The following FHIP1A variants were observed in gnomAD, a reference collection of about 807,000 sequenced individuals.
FHIP1A encodes the protein FHF complex subunit HOOK-interacting protein 1A.
FHIP1A carries 61 observed loss-of-function variants against 88.6 expected under a neutral mutation model. The ratio of observed to expected loss-of-function variants is 0.69; its 90% CI spans 0.56 to 0.85. The LOEUF is 0.85. Ranked by LOEUF, FHIP1A falls within the 40% of genes least tolerant of loss-of-function variation. The probability of loss-of-function intolerance (pLI) is 0.00; values close to 1 mark genes in which losing one functional copy is unlikely to be tolerated. For synonymous variants in FHIP1A, 478 were observed against 496.0 expected (o/e 0.96, Z 0.48); for missense variants, 1,154 against 1,273.5 (o/e 0.91, Z 1.43).
At position 151,504,348 on chromosome 4, in the gene FHIP1A, A is replaced by G. The variant is rs116497561; in HGVS notation, c.-123+21700A>G. Among the ~76,000 whole-genome samples, 401 of 152,298 alleles carry G rather than the reference A, an allele frequency of 2.6e-3. 1 individual carries two copies. The highest frequency in any genetic ancestry group is 9.2e-3 in the African/African-American group (384 of 41,566). On this transcript the variant is annotated intron_variant, in intron 3 of 13. Coordinates refer to ENST00000435205, the MANE Select transcript of FHIP1A (RefSeq NM_001109977.3). ...GGAAAAATTCTAGGTTAGACTTAAC[A>G]TGAGTATCTCCTTCAGCATGGAACA...
intron 2 of FHIP1A, among the ~76,000 whole-genome samples, chr4:151,481,319 T>C (rs1729885924): frequency 6.6e-6 from 1 of 152,002 alleles, no homozygotes; most frequent in Non-Finnish European, 1.5e-5. Context: ...AAATTTGACA[T>C]AAAATTGTAT....
intron 3 of FHIP1A, among the ~76,000 whole-genome samples, chr4:151,493,005 G>A (rs538673075): frequency 6.6e-6 from 1 of 151,976 alleles, no homozygotes; most frequent in Admixed American, 6.5e-5. Context: ...AAATAAAACT[G>A]AAACAAACAC....
chr4:151,635,346 T>A (rs1211640989), intron 8 of FHIP1A, among the ~76,000 whole-genome samples: 5 of 151,886 alleles, frequency 3.3e-5, no homozygotes, highest in Non-Finnish European at 2.9e-5. Context: ...ATAGGTTTAG[T>A]ACATTATCCA....
chr4:151,646,493 A>T, intron 9 of FHIP1A, 65 bp from the exon 10 acceptor site: 4 of 1,138,644 alleles, frequency 3.5e-6, no homozygotes, highest in Non-Finnish European at 5.1e-6. Context: ...GTTATGGTTT[A>T]GTTAGTCCCA....
At chr4:151,411,558 C>T (rs1238229133) in intron 1 of FHIP1A, among the ~76,000 whole-genome samples, 1 of 151,954 alleles carries the variant, frequency 6.6e-6, no homozygotes, top group Admixed American at 6.6e-5. Flanking sequence ...CCACGTTGCC[C>T]AGGCTGCCCT....
chr4:151,640,473 A>G (rs1242256146), intron 9 of FHIP1A, among the ~76,000 whole-genome samples: 2 of 152,186 alleles, frequency 1.3e-5, no homozygotes, highest in Admixed American at 6.5e-5. Flanking sequence ...TCCTAAAAGG[A>G]TTATGTTAGC....
At chr4:151,503,595 G>C (rs1730725137) in intron 3 of FHIP1A, among the ~76,000 whole-genome samples, 1 of 151,810 alleles carries the variant, frequency 6.6e-6, no homozygotes, top group South Asian at 2.1e-4. Context: ...GGGGAAAGGA[G>C]GAAAGAGAAA....
chr4:151,522,675 C>G (rs1560746490), intron 3 of FHIP1A, among the ~76,000 whole-genome samples: 9 of 152,324 alleles, frequency 5.9e-5, no homozygotes. Flanking sequence ...AAATTTTGTC[C>G]TTTGGCTTTC....
At chr4:151,410,788 A>G (rs1732602602) in intron 1 of FHIP1A, among the ~76,000 whole-genome samples, 1 of 152,270 alleles carries the variant, frequency 6.6e-6, no homozygotes, top group Non-Finnish European at 1.5e-5. Context: ...TGTTGGCTTT[A>G]GGTAACTTTT....
At position 151,668,371 on chromosome 4, in the gene FHIP1A, C is replaced by T. The variant is rs913749702; in HGVS notation, c.*5617C>T. Among the ~76,000 whole-genome samples, 3 of 152,112 alleles carry T rather than the reference C, an allele frequency of 2.0e-5. No homozygotes were observed. In the South Asian group the frequency reaches 6.2e-4, roughly 32 times the overall value. The stretch of plus-strand genomic sequence containing the variant: ...GGCCATAAGCTGTGTCCTGAACTAA[C>T]CAACTCCAAGCTGAAGGAGGGTGTG... On this transcript the variant is annotated 3_prime_UTR_variant, in exon 14 of 14. Coordinates refer to ENST00000435205, the MANE Select transcript of FHIP1A (RefSeq NM_001109977.3).
intron 1 of FHIP1A, among the ~76,000 whole-genome samples, chr4:151,444,134 T>C (rs928645901): frequency 2.0e-5 from 3 of 151,862 alleles, no homozygotes; most frequent in African/African-American, 7.3e-5. Flanking sequence ...CCTTACCCTG[T>C]GTTCCAGGAA....
chr4:151,500,799 G>A (rs1322529888), intron 3 of FHIP1A, among the ~76,000 whole-genome samples: 2 of 152,248 alleles, frequency 1.3e-5, no homozygotes, highest in Non-Finnish European at 2.9e-5. Context: ...CTAATTCTTT[G>A]AAATACCTTA....
At chr4:151,607,994 T>C (rs1735138846) in intron 7 of FHIP1A, among the ~76,000 whole-genome samples, 1 of 151,538 alleles carries the variant, frequency 6.6e-6, no homozygotes, top group Admixed American at 6.6e-5. Flanking sequence ...CAGCATCACT[T>C]TTGATTTTCT....
intron 7 of FHIP1A, among the ~76,000 whole-genome samples, chr4:151,605,233 G>A (rs180966416): frequency 6.7e-4 from 102 of 152,290 alleles, no homozygotes; most frequent in Admixed American, 1.4e-3. Flanking sequence ...AACTAGGGTA[G>A]GGTAGTCTTT....
intron 2 of FHIP1A, among the ~76,000 whole-genome samples, chr4:151,456,365 G>C (rs188676851): frequency 4.5e-4 from 69 of 152,240 alleles, no homozygotes; most frequent in African/African-American, 1.6e-3. Flanking sequence ...TGGTGGAAAG[G>C]ACTAAGGATT....
At chr4:151,615,099 G>T (rs1468177368) in intron 7 of FHIP1A, among the ~76,000 whole-genome samples, 3 of 152,158 alleles carry the variant, frequency 2.0e-5, no homozygotes, top group Non-Finnish European at 4.4e-5. Context: ...GCAGGGAGTG[G>T]TTATAAATCC....
At chr4:151,644,232 C>G (rs1485254440) in intron 9 of FHIP1A, among the ~76,000 whole-genome samples, 1 of 152,190 alleles carries the variant, frequency 6.6e-6, no homozygotes, top group Non-Finnish European at 1.5e-5. Flanking sequence ...CAGATTTTCC[C>G]AGCTCTCACC....
intron 2 of FHIP1A, among the ~76,000 whole-genome samples, chr4:151,476,437 T>C (rs1008260699): frequency 5.9e-5 from 9 of 152,088 alleles, no homozygotes; most frequent in Non-Finnish European, 1.3e-4. Flanking sequence ...TTGTGAGCCA[T>C]TGCACCTGGA....
intron 7 of FHIP1A, among the ~76,000 whole-genome samples, chr4:151,609,532 T>A (rs1419377047): frequency 6.6e-6 from 1 of 152,176 alleles, no homozygotes; most frequent in Non-Finnish European, 1.5e-5. Context: ...GGAAAGCCTC[T>A]GAGAATGTGG....
Sources: allele counts gnomAD v4.1 joint callset (sites outside exome capture counted in the v4.1 genomes callset), GRCh38; gene constraint gnomAD v4.1.1; transcripts MANE v1.5; gene names NCBI Gene and HGNC (gene_info 2026-07-23, HGNC 2026-07-21).